The following NSRP1 variants were observed in gnomAD, a reference collection of about 807,000 sequenced individuals.
NSRP1 encodes the protein nuclear speckle splicing regulatory protein 1, also known as coiled-coil domain containing 55.
Under a neutral mutation model 54.7 loss-of-function variants are expected in NSRP1, and 24 were observed. The ratio of observed to expected loss-of-function variants is 0.44; its 90% CI spans 0.32 to 0.62. NSRP1 has a LOEUF of 0.62. Among genes scored for constraint, NSRP1 ranks in the 20% least tolerant of loss-of-function variants. The pLI, the probability that NSRP1 is intolerant of heterozygous loss-of-function variation, is 0.06. For missense variants in NSRP1, 596 were observed against 651.2 expected (o/e 0.92, Z 0.92); for synonymous variants, 210 against 213.8 (o/e 0.98, Z 0.15).
chr17:30,155,404 A>G (rs989576846), intron 2 of NSRP1, among the ~76,000 whole-genome samples: 4 of 152,140 alleles, frequency 2.6e-5, no homozygotes, highest in African/African-American at 9.7e-5. Context: ...TTTGCATTCA[A>G]AACCTGTTCA....
rs7223892 is a variant in NSRP1 at position 30,185,839 on chromosome 17, A to G, written c.*165A>G. The G allele has an allele frequency of 4.1e-3, 2,750 of 663,018 alleles. 57 individuals are homozygous for G. In the African/African-American group the frequency reaches 0.047, roughly 11 times the overall value. The allele number at this position is 663,018 out of a possible 1,614,324, so 41.1% of individuals were successfully genotyped here. ...TCAGTCTTACAGCTTGGATGTTTGG[A>G]TGTGGATGTTTGGCTGAATTTATAT... On this transcript the variant is annotated 3_prime_UTR_variant, in exon 7 of 7. Coordinates refer to ENST00000247026, the MANE Select transcript of NSRP1 (RefSeq NM_032141.4).
intron 2 of NSRP1, chr17:30,144,867 C>G (rs915745935): frequency 6.6e-6 from 1 of 152,338 alleles, no homozygotes; most frequent in East Asian, 1.9e-4. Flanking sequence ...TTCTGATCCC[C>G]TCTCATTCCC....
intron 2 of NSRP1, among the ~76,000 whole-genome samples, chr17:30,147,038 C>T (rs1213210497): frequency 2.0e-5 from 3 of 152,132 alleles, no homozygotes; most frequent in Non-Finnish European, 4.4e-5. Flanking sequence ...CCTGTCTATC[C>T]TAAGTGATAT....
In NSRP1 at chr17:30,118,713, A is replaced by G. The variant is rs77317973; in HGVS notation, c.114+540A>G. Among the ~76,000 whole-genome samples, 704 of 151,540 alleles carry G rather than the reference A, an allele frequency of 4.6e-3. 18 individuals carry two copies. The highest frequency in any genetic ancestry group is 0.038 in the Admixed American group (586 of 15,224). The stretch of plus-strand genomic sequence containing the variant: ...ACTTCTGTGAAACCCACAGTTATAT[A>G]TCAGAAACAATCCCAAATGTGTGCT... On this transcript the variant is annotated intron_variant, in intron 2 of 6. Coordinates refer to ENST00000247026, the MANE Select transcript of NSRP1 (RefSeq NM_032141.4).
intron 2 of NSRP1, among the ~76,000 whole-genome samples, chr17:30,126,689 G>A (rs2071652721): frequency 6.6e-6 from 1 of 152,180 alleles, no homozygotes; most frequent in Non-Finnish European, 1.5e-5. Flanking sequence ...CCCAGCCTGA[G>A]CAATCTTTTA....
chr17:30,121,961 C>A (rs1376888783), intron 2 of NSRP1, among the ~76,000 whole-genome samples: 1 of 152,054 alleles, frequency 6.6e-6, no homozygotes, highest in Admixed American at 6.6e-5. Context: ...ACCATCACTC[C>A]CCATTCTCCC....
intron 2 of NSRP1, among the ~76,000 whole-genome samples, chr17:30,143,443 G>C (rs1410149023): frequency 6.6e-6 from 1 of 151,942 alleles, no homozygotes; most frequent in Non-Finnish European, 1.5e-5. Flanking sequence ...CTGTACTGGG[G>C]ACCCTGCACA....
At chr17:30,153,773 G>T (rs565978604) in intron 2 of NSRP1, among the ~76,000 whole-genome samples, 5 of 152,214 alleles carry the variant, frequency 3.3e-5, no homozygotes, top group African/African-American at 1.2e-4. Context: ...GCTGACCCCT[G>T]CTCTGGATCT....
chr17:30,136,065 T>C (rs2071748630), intron 2 of NSRP1, among the ~76,000 whole-genome samples: 1 of 151,826 alleles, frequency 6.6e-6, no homozygotes, highest in Non-Finnish European at 1.5e-5. Flanking sequence ...ATACAAAAAT[T>C]AGCTGGGTGT....
intron 2 of NSRP1, among the ~76,000 whole-genome samples, chr17:30,152,247 C>T (rs553473696): frequency 3.9e-5 from 6 of 152,008 alleles, no homozygotes; most frequent in Admixed American, 1.3e-4. Context: ...CTCAGTCTCT[C>T]GAGTAGCTGG....
chr17:30,119,797 C>G (rs1451768570), intron 2 of NSRP1, among the ~76,000 whole-genome samples: 1 of 152,194 alleles, frequency 6.6e-6, no homozygotes, highest in African/African-American at 2.4e-5. Flanking sequence ...CCCACTGTGC[C>G]TGACCGGTTT....
chr17:30,180,942 T>G lies in NSRP1; in HGVS notation c.543T>G (p.Ser181Arg). ...CLDVTKQKDLSGFYRHLLNQA... is the reference protein window; with the variant it reads ...CLDVTKQKDLRGFYRHLLNQA... The stretch of plus-strand genomic sequence containing the variant: ...ATGTAACCAAGCAGAAAGATCTCAG[T>G]GGATTTTATAGGCACCTATTAAATC... Residue 181 changes from serine (S) to arginine (R), a missense_variant, in exon 6 of 7, where the codon AGT (serine) becomes AGG (arginine). Transcript: ENST00000247026. 1 of 1,613,664 alleles carries G rather than the reference T, an allele frequency of 6.2e-7. No individual in the cohort carries two copies. The highest frequency in any genetic ancestry group is 8.5e-7 in the Non-Finnish European group (1 of 1,179,728).
At chr17:30,151,931 G>A (rs944234950) in intron 2 of NSRP1, among the ~76,000 whole-genome samples, 1 of 150,828 alleles carries the variant, frequency 6.6e-6, no homozygotes, top group African/African-American at 2.4e-5. Flanking sequence ...CACCACGCCC[G>A]GGTAATTTTG....
chr17:30,141,390 CG>C (rs1275577843), intron 2 of NSRP1, among the ~76,000 whole-genome samples: 2 of 152,000 alleles, frequency 1.3e-5, no homozygotes, highest in Non-Finnish European at 2.9e-5. Flanking sequence ...TAATATAAAA[CG>C]TTTAGAATTA....
intron 2 of NSRP1, among the ~76,000 whole-genome samples, chr17:30,164,723 G>A (rs1264983218): frequency 3.3e-5 from 5 of 152,054 alleles, no homozygotes; most frequent in African/African-American, 7.2e-5. Flanking sequence ...GCTTGAGCCC[G>A]GGAGGTCGAG....
chr17:30,158,308 A>ATTTTT (rs35919418), intron 2 of NSRP1, among the ~76,000 whole-genome samples: 1 of 133,840 alleles, frequency 7.5e-6, no homozygotes, highest in Non-Finnish European at 1.6e-5. Context: ...TTTTAATGGC[A>ATTTTT]TTTTTTTTTT....
Position 30,176,618 on chromosome 17 carries a change from C to CCCA in NSRP1, c.172-1453_172-1452insCCA, listed in dbSNP as rs1555583105. Among the ~76,000 whole-genome samples, 5 of 120,368 alleles carry CCCA rather than the reference C, an allele frequency of 4.2e-5. No individual in the cohort carries two copies. The East Asian group carries it at 1.2e-3, about 28-fold the overall frequency. 79.0% of individuals were successfully genotyped at this position (120,368 alleles called of 152,430 possible). On this transcript the variant is annotated intron_variant, in intron 3 of 6. Coordinates refer to ENST00000247026, the MANE Select transcript of NSRP1 (RefSeq NM_032141.4). Reference sequence around the variant, plus strand: ...GTGCAAGACTTCGTCCCCCCCCCCCCAAAAAAAAAACAGCCCTCAGTCTCC... The same window carrying CCCA: ...GTGCAAGACTTCGTCCCCCCCCCCCCCCAAAAAAAAAAACAGCCCTCAGTCTCC...
rs766396463 is a variant in NSRP1, at chr17:30,185,409, G to A, written c.1412G>A (p.Arg471Lys). The A allele has an allele frequency of 6.2e-7, 1 of 1,610,532 alleles. No individual in the cohort carries two copies. Among genetic ancestry groups the A allele is most frequent in the Non-Finnish European group, 8.5e-7 (1 of 1,179,212 alleles). Residue 471 changes from arginine to lysine, a missense_variant, in exon 7 of 7, where the codon AGA (arginine) becomes AAA (lysine). By Grantham distance (26) the Arg-to-Lys change is conservative. Coordinates refer to ENST00000247026, the MANE Select transcript of NSRP1 (RefSeq NM_032141.4). ...RAKDKFLDQE[R>K]SNKMRNMAKD... Reference sequence around the variant, plus strand: ...AAGGATAAATTTCTTGACCAAGAAAGATCCAACAAAATGAGAAACATGGCA... The same window carrying A: ...AAGGATAAATTTCTTGACCAAGAAAAATCCAACAAAATGAGAAACATGGCA...
intron 2 of NSRP1, among the ~76,000 whole-genome samples, chr17:30,153,318 TTC>T (rs962176516): frequency 1.1e-4 from 16 of 152,182 alleles, no homozygotes; most frequent in Admixed American, 2.6e-4. Context: ...TTGTCTTTTT[TTC>T]TCTCTCTCAT....
Sources: allele counts gnomAD v4.1 joint callset (sites outside exome capture counted in the v4.1 genomes callset), GRCh38; gene constraint gnomAD v4.1.1; transcripts MANE v1.5; gene names NCBI Gene and HGNC (gene_info 2026-07-23, HGNC 2026-07-21).